The following RBFOX1 variants were observed in gnomAD, a reference collection of about 807,000 sequenced individuals.
RBFOX1 encodes the protein RNA binding fox-1 homolog 1.
In RBFOX1, 8 loss-of-function variants were observed where a neutral mutation model predicts 57.7. The observed-to-expected ratio is 0.14, with a 90% confidence interval of 0.08 to 0.25. RBFOX1 has a LOEUF of 0.25. Among genes scored for constraint, RBFOX1 ranks in the 10% least tolerant of loss-of-function variants. The pLI is 1.00. For missense variants in RBFOX1, 611 were observed against 548.5 expected (o/e 1.11, Z -1.14); for synonymous variants, 326 against 222.4 (o/e 1.47, Z -4.15).
chr16:6,707,998 T>G (rs182938101), intron 3 of RBFOX1, among the ~76,000 whole-genome samples: 3 of 152,284 alleles, frequency 2.0e-5, no homozygotes, highest in Admixed American at 2.0e-4. Flanking sequence ...CAGGTAGTGC[T>G]GTGGAGGGTT....
At chr16:6,082,031 A>T (rs529821909) in intron 1 of RBFOX1, among the ~76,000 whole-genome samples, 1 of 152,240 alleles carries the variant, frequency 6.6e-6, no homozygotes, top group East Asian at 1.9e-4. Context: ...ATGAGCTTCA[A>T]CTGTTTTCAA....
chr16:6,658,897 G>C (rs888486018), intron 3 of RBFOX1, among the ~76,000 whole-genome samples: 1 of 149,310 alleles, frequency 6.7e-6, no homozygotes, highest in Non-Finnish European at 1.5e-5. Context: ...TAGGAAGCAG[G>C]AGCACAGGTT....
chr16:6,294,999 A>G (rs1402351109), intron 1 of RBFOX1, among the ~76,000 whole-genome samples: 1 of 152,038 alleles, frequency 6.6e-6, no homozygotes. Context: ...GATAGTAATC[A>G]GCATTGTTTT....
intron 3 of RBFOX1, among the ~76,000 whole-genome samples, chr16:5,814,202 C>T (rs768550067): frequency 5.3e-5 from 8 of 152,142 alleles, no homozygotes; most frequent in South Asian, 4.1e-4. Flanking sequence ...GGTCTGCATC[C>T]GTATGCCCTC....
At chr16:6,669,579 G>T (rs142180304) in intron 3 of RBFOX1, among the ~76,000 whole-genome samples, 4 of 152,068 alleles carry the variant, frequency 2.6e-5, no homozygotes, top group African/African-American at 9.7e-5. Flanking sequence ...TGAAAAAGTC[G>T]TTAGAATCAA....
At chr16:6,048,176 C>T (rs902756980) in intron 1 of RBFOX1, among the ~76,000 whole-genome samples, 8 of 152,096 alleles carry the variant, frequency 5.3e-5, no homozygotes, top group African/African-American at 1.9e-4. Flanking sequence ...TATTATGATC[C>T]TCATTGTACA....
chr16:6,972,003 T>A (rs954227624), intron 3 of RBFOX1, among the ~76,000 whole-genome samples: 1 of 152,162 alleles, frequency 6.6e-6, no homozygotes, highest in Non-Finnish European at 1.5e-5. Flanking sequence ...CAAGTTTTAC[T>A]GTGAAGTGAT....
intron 4 of RBFOX1, among the ~76,000 whole-genome samples, chr16:7,121,111 C>A (rs546120453): frequency 2.0e-5 from 3 of 152,160 alleles, no homozygotes; most frequent in Admixed American, 6.5e-5. Context: ...AAGGCACCTT[C>A]TGCAACCTGG....
At chr16:7,318,318 C>G (rs1317863458) in intron 4 of RBFOX1, among the ~76,000 whole-genome samples, 1 of 148,622 alleles carries the variant, frequency 6.7e-6, no homozygotes, top group Non-Finnish European at 1.5e-5. Flanking sequence ...GCTGGTGGCT[C>G]TGGTGGTGGT....
At chr16:5,740,255 C>T (rs999324023) in intron 3 of RBFOX1, among the ~76,000 whole-genome samples, 7 of 152,098 alleles carry the variant, frequency 4.6e-5, no homozygotes, top group African/African-American at 1.4e-4. Flanking sequence ...GATCAGTCAT[C>T]ATCAGAAGTG....
chr16:6,929,760 C>T (rs553761446), intron 3 of RBFOX1, among the ~76,000 whole-genome samples: 40 of 152,140 alleles, frequency 2.6e-4, no homozygotes, highest in East Asian at 7.7e-4. Context: ...TAGAAATGAT[C>T]GTTTCAGGGA....
chr16:6,576,590 CCTT>C (rs1180217964), intron 2 of RBFOX1, among the ~76,000 whole-genome samples: 1 of 152,134 alleles, frequency 6.6e-6, no homozygotes, highest in African/African-American at 2.4e-5. Flanking sequence ...GTCCTCTGAA[CCTT>C]CTTTGAACTC....
intron 3 of RBFOX1, among the ~76,000 whole-genome samples, chr16:6,812,447 C>T (rs1642716399): frequency 6.6e-6 from 1 of 152,106 alleles, no homozygotes; most frequent in Admixed American, 6.5e-5. Flanking sequence ...GATCTCGGCT[C>T]ATTGCAACCT....
At chr16:5,388,669 C>T (rs959562912) in intron 1 of RBFOX1, among the ~76,000 whole-genome samples, 1 of 151,946 alleles carries the variant, frequency 6.6e-6, no homozygotes, top group Admixed American at 6.5e-5. Flanking sequence ...CTCCACCTCC[C>T]GGGTTCAAGC....
At chr16:6,832,752 G>A in intron 3 of RBFOX1, among the ~76,000 whole-genome samples, 1 of 152,122 alleles carries the variant, frequency 6.6e-6, no homozygotes, top group East Asian at 1.9e-4. Context: ...CTCTGTAACT[G>A]TCCCTACCTG....
intron 4 of RBFOX1, among the ~76,000 whole-genome samples, chr16:7,447,840 C>T (rs746159393): frequency 6.6e-6 from 1 of 152,248 alleles, no homozygotes; most frequent in African/African-American, 2.4e-5. Context: ...TTAACCTAGC[C>T]TAGAACAGAT....
chr16:7,473,607 G>C lies in RBFOX1; in HGVS notation c.28-44540G>C, dbSNP rs116590819. Among the ~76,000 whole-genome samples the C allele has an allele frequency of 9.8e-3, 1,491 of 151,538 alleles. 33 individuals carry two copies. Among genetic ancestry groups the C allele is most frequent in the African/African-American group, 0.035 (1,433 of 41,298 alleles). ...TCTTTACCTGCTACCCATATTATGA[G>C]TTACAGGAGCAGCTCCTCAAACAGT... On this transcript the variant is annotated intron_variant, in intron 4 of 15. Coordinates refer to ENST00000550418, the MANE Select transcript of RBFOX1 (RefSeq NM_018723.4).
intron 4 of RBFOX1, among the ~76,000 whole-genome samples, chr16:7,351,349 A>G (rs1304400562): frequency 6.6e-6 from 1 of 152,250 alleles, no homozygotes; most frequent in East Asian, 1.9e-4. Context: ...TTCCTTTGAT[A>G]ATTCTTTAGA....
intron 3 of RBFOX1, among the ~76,000 whole-genome samples, chr16:6,783,022 A>C (rs1435209340): frequency 6.6e-6 from 1 of 152,038 alleles, no homozygotes; most frequent in Non-Finnish European, 1.5e-5. Context: ...TTGTCTTGAA[A>C]TATATTTTAT....
Sources: allele counts gnomAD v4.1 joint callset (sites outside exome capture counted in the v4.1 genomes callset), GRCh38; gene constraint gnomAD v4.1.1; transcripts MANE v1.5; gene names NCBI Gene and HGNC (gene_info 2026-07-23, HGNC 2026-07-21).